NME7: variants seen among roughly 807,000 people sequenced by gnomAD.
NME7 encodes nucleoside diphosphate kinase 7.
A neutral mutation model predicts 49.1 loss-of-function variants in NME7; 41 were observed. That is an observed-to-expected ratio of 0.83 (90% CI 0.65 to 1.08). NME7 has a LOEUF of 1.08. NME7 is among the 50% of genes least tolerant of loss of function. NME7 has a pLI of 0.00. For synonymous variants in NME7, 139 were observed against 150.6 expected (o/e 0.92, Z 0.56); for missense variants, 423 against 463.4 (o/e 0.91, Z 0.80).
chr1:169,160,999 C>T (rs1332989303), intron 11 of NME7, among the ~76,000 whole-genome samples: 2 of 152,176 alleles, frequency 1.3e-5, no homozygotes, highest in African/African-American at 2.4e-5. Context: ...CCCTAGACTC[C>T]ACCCACTTGT....
intron 1 of NME7, among the ~76,000 whole-genome samples, chr1:169,365,557 G>T (rs972942858): frequency 6.6e-6 from 1 of 152,158 alleles, no homozygotes; most frequent in East Asian, 1.9e-4. Context: ...AAAGGCAAGA[G>T]AATTTTTTTT....
intron 1 of NME7, among the ~76,000 whole-genome samples, chr1:169,359,466 C>G (rs200586490): frequency 3.3e-5 from 5 of 151,182 alleles, no homozygotes; most frequent in East Asian, 3.9e-4. Flanking sequence ...ATATGTATCT[C>G]TGTGTGTGTG....
chr1:169,367,099 G>GA (rs1021836446), intron 1 of NME7, among the ~76,000 whole-genome samples: 4 of 151,360 alleles, frequency 2.6e-5, no homozygotes. Context: ...CCCAAACAGT[G>GA]AATTCCAGAA....
At chr1:169,363,604 C>T (rs1470936548) in intron 1 of NME7, among the ~76,000 whole-genome samples, 3 of 152,110 alleles carry the variant, frequency 2.0e-5, no homozygotes, top group Non-Finnish European at 2.9e-5. Context: ...CCATATTTTC[C>T]CTACTGCAGC....
At chr1:169,307,198 A>G (rs1172621848) in intron 4 of NME7, among the ~76,000 whole-genome samples, 2 of 152,230 alleles carry the variant, frequency 1.3e-5, no homozygotes, top group East Asian at 3.8e-4. Context: ...GTGAGTGAGC[A>G]GCCTACAGGG....
intron 10 of NME7, among the ~76,000 whole-genome samples, chr1:169,180,176 G>A (rs1659884347): frequency 6.6e-6 from 1 of 152,148 alleles, no homozygotes; most frequent in South Asian, 2.1e-4. Flanking sequence ...TTATCTGGCT[G>A]AATTAATTAA....
At chr1:169,294,586 T>C (rs1650633762) in intron 6 of NME7, among the ~76,000 whole-genome samples, 2 of 152,182 alleles carry the variant, frequency 1.3e-5, no homozygotes, top group Non-Finnish European at 2.9e-5. Flanking sequence ...CTGTGGTCTT[T>C]GCTTCTTCAC....
At chr1:169,210,848 T>G (rs896610642) in intron 10 of NME7, among the ~76,000 whole-genome samples, 15 of 152,178 alleles carry the variant, frequency 9.9e-5, no homozygotes, top group Admixed American at 9.2e-4. Flanking sequence ...CTCCCGTTTC[T>G]GCTTCATTCC....
intron 10 of NME7, among the ~76,000 whole-genome samples, chr1:169,178,086 G>A (rs1413089189): frequency 1.3e-5 from 2 of 151,990 alleles, no homozygotes; most frequent in Admixed American, 6.6e-5. Context: ...GGATCTGCCC[G>A]CCTCGGCCTC....
intron 7 of NME7, among the ~76,000 whole-genome samples, chr1:169,252,667 T>A (rs1300918129): frequency 6.6e-6 from 1 of 151,940 alleles, no homozygotes; most frequent in East Asian, 1.9e-4. Context: ...AATCCCTAGG[T>A]TTTCTTCTAG....
chr1:169,336,557 T>C (rs571074154), intron 1 of NME7, among the ~76,000 whole-genome samples: 25 of 152,310 alleles, frequency 1.6e-4, no homozygotes, highest in African/African-American at 5.8e-4. Flanking sequence ...CCAGAGCAGC[T>C]AGATACAGAG....
intron 10 of NME7, among the ~76,000 whole-genome samples, chr1:169,188,576 A>C (rs948556705): frequency 1.3e-5 from 2 of 152,226 alleles, no homozygotes; most frequent in African/African-American, 2.4e-5. Context: ...CTGCACTTGC[A>C]TGTGGACATA....
At chr1:169,171,196 C>T (rs952639876) in intron 10 of NME7, among the ~76,000 whole-genome samples, 2 of 151,874 alleles carry the variant, frequency 1.3e-5, no homozygotes, top group Non-Finnish European at 2.9e-5. Context: ...AGAGAGACCC[C>T]GTTGCTACAA....
At chr1:169,338,938 G>A (rs773625625) in intron 1 of NME7, among the ~76,000 whole-genome samples, 9 of 152,084 alleles carry the variant, frequency 5.9e-5, no homozygotes, top group African/African-American at 1.7e-4. Context: ...CTGGGTTGTC[G>A]TCTAATTTTG....
intron 1 of NME7, among the ~76,000 whole-genome samples, chr1:169,342,063 G>T (rs989053197): frequency 6.6e-6 from 1 of 152,170 alleles, no homozygotes; most frequent in Non-Finnish European, 1.5e-5. Flanking sequence ...ATTTGAAAAG[G>T]ACATGAGATT....
intron 7 of NME7, among the ~76,000 whole-genome samples, chr1:169,260,762 C>T (rs1203330475): frequency 7.5e-6 from 1 of 133,662 alleles, no homozygotes; most frequent in African/African-American, 2.5e-5. Context: ...TCTATCTTTG[C>T]TACAAACTCT....
At chr1:169,297,855 T>C (rs1454259906) in intron 6 of NME7, among the ~76,000 whole-genome samples, 1 of 152,172 alleles carries the variant, frequency 6.6e-6, no homozygotes, top group Non-Finnish European at 1.5e-5. Flanking sequence ...CAAAATATAA[T>C]AGTGATTCAG....
chr1:169,306,452 GA>G (rs2101916072), intron 4 of NME7, among the ~76,000 whole-genome samples: 1 of 152,264 alleles, frequency 6.6e-6, no homozygotes, highest in East Asian at 1.9e-4. Context: ...GCCTGAATAT[GA>G]GCCTATAAAA....
chr1:169,170,293 C>A (rs1281533393), intron 10 of NME7, among the ~76,000 whole-genome samples: 1 of 152,074 alleles, frequency 6.6e-6, no homozygotes, highest in African/African-American at 2.4e-5. Flanking sequence ...AGAAGAACAA[C>A]AGATTGAGAG....
Sources: gnomAD v4.1 joint callset for allele counts (sites outside exome capture counted in the v4.1 genomes callset) on GRCh38, gnomAD v4.1.1 for gene constraint, MANE v1.5 for transcripts, NCBI Gene and HGNC (gene_info 2026-07-23, HGNC 2026-07-21) for gene names.